Variants in PCNX1 observed in about 807,000 individuals in gnomAD.
The protein encoded by PCNX1 is pecanex 1.
Under a neutral mutation model 242.2 loss-of-function variants are expected in PCNX1, and 78 were observed. The ratio of observed to expected loss-of-function variants is 0.32; its 90% CI spans 0.27 to 0.39. The LOEUF (loss-of-function observed/expected upper bound fraction) is 0.39, where lower values mean the gene tolerates loss of function less well. Ranked by LOEUF, PCNX1 falls within the 10% of genes least tolerant of loss-of-function variation. The probability of loss-of-function intolerance (pLI) is 1.00; values close to 1 mark genes in which losing one functional copy is unlikely to be tolerated. For synonymous variants in PCNX1, 1,024 were observed against 1,032.9 expected (o/e 0.99, Z 0.17); for missense variants, 2,581 against 2,856.5 (o/e 0.90, Z 2.20).
chr14:71,073,845 C>G (rs1213128166), intron 27 of PCNX1, 47 bp downstream of exon 27: 1 of 1,437,514 alleles, frequency 7.0e-7, no homozygotes, highest in Non-Finnish European at 9.3e-7. Context: ...AGAGTTTCTT[C>G]TTGGGAATGA....
At chr14:71,067,569 T>G (rs2061480223) in intron 26 of PCNX1, among the ~76,000 whole-genome samples, 1 of 152,192 alleles carries the variant, frequency 6.6e-6, no homozygotes. Flanking sequence ...CTAGCTTCAT[T>G]GATTTTTTTG....
rs1333651197 is a variant in PCNX1 at position 71,105,384 on chromosome 14, G to A, written c.6245G>A (p.Gly2082Glu). ...ACCCAGGGAAGCATTGGAAATCCTG[G>A]GCAGGGATCAGGAACTGGACTCCAC... The part of the protein sequence containing the change: ...NVTQGSIGNP[G>E]QGSGTGLHPP... Residue 2082 changes from glycine to glutamate, a missense_variant, in exon 33 of 36, where the codon GGG becomes GAG. By Grantham distance (98) the Gly-to-Glu change is moderately conservative. Transcript: ENST00000304743. 3 of 1,613,906 alleles carry A rather than the reference G, an allele frequency of 1.9e-6. No homozygotes were observed. Among genetic ancestry groups the A allele is most frequent in the East Asian group, 4.5e-5 (2 of 44,876 alleles).
chr14:71,015,150 A>G (rs1056868864), intron 11 of PCNX1, among the ~76,000 whole-genome samples: 2 of 152,224 alleles, frequency 1.3e-5, no homozygotes, highest in African/African-American at 4.8e-5. Context: ...CAGATCAGAA[A>G]AAAATGGGAA....
At chr14:71,094,344 A>G (rs1207761038) in intron 30 of PCNX1, among the ~76,000 whole-genome samples, 1 of 152,228 alleles carries the variant, frequency 6.6e-6, no homozygotes, top group Non-Finnish European at 1.5e-5. Context: ...AATGCTCTAT[A>G]TCTAGATTGC....
chr14:71,068,600 G>GTGTGTGTGTA lies in PCNX1; in HGVS notation c.4853-4936_4853-4935insATGTGTGTGT, dbSNP rs962703054. 7.3e-3 allele frequency among the ~76,000 whole-genome samples: 1,054 copies of GTGTGTGTGTA among 143,534 alleles called. 15 individuals are homozygous for GTGTGTGTGTA. The highest frequency in any genetic ancestry group is 0.026 in the African/African-American group (991 of 38,450). The allele number at this position is 143,534 out of a possible 152,430, so 94.2% of individuals were successfully genotyped here. ...GGTTTGTATGTACGTGCGTGTGTGT[G>GTGTGTGTGTA]TGTGTGTGTGTGTGTGTGTGTGTAT... On this transcript the variant is annotated intron_variant, in intron 26 of 35. Transcript: ENST00000304743.
rs554334494 is a variant in PCNX1 at position 70,965,726 on chromosome 14, G to A, written c.469-2472G>A. On this transcript the variant is annotated intron_variant, in intron 3 of 35. Transcript: ENST00000304743. Reference sequence around the variant, plus strand: ...GCCATAGGAATGGTAGAGAAGAAGAGCTAATGATTTCATAGGATAAAATAA... The same window carrying A: ...GCCATAGGAATGGTAGAGAAGAAGAACTAATGATTTCATAGGATAAAATAA... Among the ~76,000 whole-genome samples the A allele has an allele frequency of 2.7e-5, 4 of 150,742 alleles. No homozygotes were observed. The East Asian group carries it at 7.8e-4, about 29-fold the overall frequency.
chr14:70,959,726 G>C (rs1446556991), intron 2 of PCNX1, among the ~76,000 whole-genome samples: 1 of 149,814 alleles, frequency 6.7e-6, no homozygotes, highest in Non-Finnish European at 1.5e-5. Context: ...ATGATTTATA[G>C]TCCTTTGGGT....
chr14:71,107,604 A>G (rs17108994), intron 33 of PCNX1, among the ~76,000 whole-genome samples: 247 of 152,338 alleles, frequency 1.6e-3, no homozygotes, highest in African/African-American at 5.7e-3. Context: ...CTGAAGAATC[A>G]TATCAAGCCA....
chr14:70,926,936 C>A (rs981230992), intron 1 of PCNX1, among the ~76,000 whole-genome samples: 1 of 152,072 alleles, frequency 6.6e-6, no homozygotes, highest in African/African-American at 2.4e-5. Context: ...TGGAGGGAGA[C>A]AGTATAGTTT....
intron 26 of PCNX1, among the ~76,000 whole-genome samples, chr14:71,070,210 C>G (rs1387328529): frequency 6.6e-6 from 1 of 152,190 alleles, no homozygotes; most frequent in Non-Finnish European, 1.5e-5. Context: ...TTCTGCTTCT[C>G]TTGCTATTCC....
chr14:71,084,221 G>A (rs918310172), intron 28 of PCNX1, among the ~76,000 whole-genome samples: 10 of 152,200 alleles, frequency 6.6e-5, no homozygotes, highest in African/African-American at 2.2e-4. Flanking sequence ...TTCTCTGGAA[G>A]CTTCGTCCCA....
At chr14:71,042,096 CAT>C (rs1226329613) in intron 19 of PCNX1, among the ~76,000 whole-genome samples, 2 of 152,112 alleles carry the variant, frequency 1.3e-5, no homozygotes, top group Non-Finnish European at 2.9e-5. Context: ...CGTTGCATAA[CAT>C]ATAGTCTGTC....
intron 1 of PCNX1, among the ~76,000 whole-genome samples, chr14:70,908,741 C>T (rs975498745): frequency 1.3e-5 from 2 of 152,244 alleles, no homozygotes; most frequent in East Asian, 1.9e-4. Flanking sequence ...GGGAATCTGG[C>T]TGGCATTTCA....
At chr14:70,978,851 A>G (rs1003502175) in intron 6 of PCNX1, among the ~76,000 whole-genome samples, 3 of 152,214 alleles carry the variant, frequency 2.0e-5, no homozygotes, top group African/African-American at 7.2e-5. Context: ...TTTGGTTGCA[A>G]TACTTGAATA....
intron 16 of PCNX1, among the ~76,000 whole-genome samples, chr14:71,031,497 CAA>C (rs1270131912): frequency 1.3e-5 from 2 of 152,332 alleles, no homozygotes; most frequent in East Asian, 3.9e-4. Context: ...TCAGACCAAA[CAA>C]AGAGGACAGC....
intron 11 of PCNX1, among the ~76,000 whole-genome samples, chr14:71,014,450 T>C (rs2059906387): frequency 1.3e-5 from 2 of 152,180 alleles, no homozygotes; most frequent in Non-Finnish European, 2.9e-5. Flanking sequence ...AAATAGATAC[T>C]AGAATTAGCA....
intron 9 of PCNX1, among the ~76,000 whole-genome samples, chr14:71,010,513 C>T (rs2059794644): frequency 6.6e-6 from 1 of 151,792 alleles, no homozygotes; most frequent in East Asian, 1.9e-4. Context: ...TTCTTTTATC[C>T]CCCCATCTGA....
intron 3 of PCNX1, among the ~76,000 whole-genome samples, chr14:70,966,165 G>T (rs2058372128): frequency 6.6e-6 from 1 of 152,134 alleles, no homozygotes; most frequent in Admixed American, 6.5e-5. Context: ...AAATAGTCAT[G>T]ATTCTTTTTG....
chr14:70,998,848 C>T (rs1457324731), intron 8 of PCNX1, among the ~76,000 whole-genome samples: 2 of 150,072 alleles, frequency 1.3e-5, no homozygotes, highest in African/African-American at 4.9e-5. Flanking sequence ...AAATTGGGTT[C>T]AAATGACTTA....
Sources: gnomAD v4.1 joint callset for allele counts (sites outside exome capture counted in the v4.1 genomes callset) on GRCh38, gnomAD v4.1.1 for gene constraint, MANE v1.5 for transcripts, NCBI Gene and HGNC (gene_info 2026-07-23, HGNC 2026-07-21) for gene names.